Variants in CDC42SE2 observed in about 807,000 individuals in gnomAD.
CDC42SE2 encodes the protein CDC42 small effector protein 2.
CDC42SE2 carries 3 observed loss-of-function variants against 11.5 expected under a neutral mutation model. The ratio of observed to expected loss-of-function variants is 0.26; its 90% CI spans 0.12 to 0.67. CDC42SE2 has a LOEUF of 0.67. CDC42SE2 is among the 30% of genes least tolerant of loss of function. The pLI, the probability that CDC42SE2 is intolerant of heterozygous loss-of-function variation, is 0.80. For missense variants in CDC42SE2, 82 were observed against 106.8 expected (o/e 0.77, Z 1.02); for synonymous variants, 33 against 34.8 (o/e 0.95, Z 0.18).
the CDC42SE2 span, among the ~76,000 whole-genome samples, chr5:131,220,096 A>G: frequency 1.3e-4 from 20 of 152,194 alleles, no homozygotes; most frequent in Admixed American, 1.2e-3. Context: ...CTGAATTTTT[A>G]TACATGTAGG....
rs1050998151 is a variant in CDC42SE2, at chr5:131,354,237, C to CA, written c.-285-4964dup. ...TGGGCAGCAAAGCAAGACCCTGTCTCAAAAAAAATAAAATAAAATAAAATT... is the reference window on the plus strand; with the variant it reads ...TGGGCAGCAAAGCAAGACCCTGTCTCAAAAAAAAATAAAATAAAATAAAATT... On this transcript the variant is annotated intron_variant, in intron 2 of 4. Coordinates refer to ENST00000505065, the MANE Select transcript of CDC42SE2 (RefSeq NM_001375635.1). Among the ~76,000 whole-genome samples, 6 of 151,102 alleles carry CA rather than the reference C, an allele frequency of 4.0e-5. No individual in the cohort carries two copies. In the East Asian group the frequency reaches 5.8e-4, roughly 15 times the overall value.
intron 3 of CDC42SE2, among the ~76,000 whole-genome samples, chr5:131,361,136 G>T (rs1749696640): frequency 6.9e-6 from 1 of 145,496 alleles, no homozygotes; most frequent in African/African-American, 2.5e-5. Context: ...TTTTTGAGAT[G>T]GAGTCTCATT....
chr5:131,320,489 C>T (rs1227744631), intron 2 of CDC42SE2, among the ~76,000 whole-genome samples: 1 of 151,614 alleles, frequency 6.6e-6, no homozygotes, highest in Non-Finnish European at 1.5e-5. Context: ...TGCCTGTAAT[C>T]CCAGCACTTT....
chr5:131,304,474 A>G (rs749804783), intron 1 of CDC42SE2, among the ~76,000 whole-genome samples: 3 of 152,212 alleles, frequency 2.0e-5, no homozygotes, highest in Non-Finnish European at 4.4e-5. Flanking sequence ...TAAGCAGAAT[A>G]TGAAGTCCAT....
At chr5:131,247,828 C>T (rs1321590408) in intron 1 of CDC42SE2, among the ~76,000 whole-genome samples, 2 of 151,970 alleles carry the variant, frequency 1.3e-5, no homozygotes, top group Non-Finnish European at 1.5e-5. Flanking sequence ...TTTGTAGAGA[C>T]AGGTCCTTTC....
At position 131,303,387 on chromosome 5, in the gene CDC42SE2, G is replaced by T. The variant is rs188995291; in HGVS notation, c.-454-12589G>T. Among the ~76,000 whole-genome samples the T allele has an allele frequency of 8.7e-4, 132 of 152,276 alleles. 1 individual carries two copies. Among genetic ancestry groups the T allele is most frequent in the Admixed American group, 6.3e-3 (97 of 15,302 alleles). Reference sequence around the variant, plus strand: ...CATTCAATGTCAGAGTGATTTAATAGGGTCAAGGCCTGATAATTTAAGCTA... The same window carrying T: ...CATTCAATGTCAGAGTGATTTAATATGGTCAAGGCCTGATAATTTAAGCTA... On this transcript the variant is annotated intron_variant, in intron 1 of 4. Coordinates refer to ENST00000505065, the MANE Select transcript of CDC42SE2 (RefSeq NM_001375635.1).
At chr5:131,239,096 G>T in the CDC42SE2 span, among the ~76,000 whole-genome samples, 1 of 151,768 alleles carries the variant, frequency 6.6e-6, no homozygotes, top group East Asian at 1.9e-4. Context: ...ACAGACGGAG[G>T]TTGAAGTGAG....
intron 2 of CDC42SE2, among the ~76,000 whole-genome samples, chr5:131,344,887 G>A (rs534760853): frequency 2.7e-4 from 41 of 151,468 alleles, no homozygotes; most frequent in Non-Finnish European, 4.0e-4. Flanking sequence ...CCAGGCAAAC[G>A]ATCTGGAGTG....
chr5:131,268,850 A>C (rs1756930500), intron 1 of CDC42SE2, among the ~76,000 whole-genome samples: 1 of 144,032 alleles, frequency 6.9e-6, no homozygotes, highest in Non-Finnish European at 1.5e-5. Context: ...TCCTGAGTTC[A>C]AGCAACTGTC....
intron 1 of CDC42SE2, among the ~76,000 whole-genome samples, chr5:131,295,286 A>G (rs1044900380): frequency 2.0e-5 from 3 of 152,110 alleles, no homozygotes; most frequent in Non-Finnish European, 4.4e-5. Context: ...TTGAAAAAAA[A>G]AAAACCAAAC....
chr5:131,292,906 C>CAAAAAAAA (rs869300653), intron 1 of CDC42SE2, among the ~76,000 whole-genome samples: 14 of 58,894 alleles, frequency 2.4e-4, no homozygotes, highest in African/African-American at 3.0e-4. Flanking sequence ...GACCCTGTCT[C>CAAAAAAAA]AAAAAAAAAA....
chr5:131,369,268 A>G (rs1561432137), intron 3 of CDC42SE2, among the ~76,000 whole-genome samples: 1 of 152,084 alleles, frequency 6.6e-6, no homozygotes. Context: ...GCTAATTTTT[A>G]TGTTCATTTT....
At chr5:131,314,233 CTTTT>C (rs1186826623) in intron 1 of CDC42SE2, among the ~76,000 whole-genome samples, 1 of 137,116 alleles carries the variant, frequency 7.3e-6, no homozygotes. Flanking sequence ...AATGATTGTC[CTTTT>C]TTTTTTTTTT....
chr5:131,217,458 T>G, the CDC42SE2 span, among the ~76,000 whole-genome samples: 3 of 152,250 alleles, frequency 2.0e-5, no homozygotes, highest in Non-Finnish European at 4.4e-5. Context: ...GCCTCTCATA[T>G]AGGCTTGTCT....
intron 3 of CDC42SE2, among the ~76,000 whole-genome samples, chr5:131,379,575 C>G (rs1315746151): frequency 6.6e-6 from 1 of 152,032 alleles, no homozygotes; most frequent in African/African-American, 2.4e-5. Flanking sequence ...TGGATATACT[C>G]CAAATTGTTT....
the CDC42SE2 span, among the ~76,000 whole-genome samples, chr5:131,231,931 A>G: frequency 6.6e-6 from 1 of 151,960 alleles, no homozygotes; most frequent in Admixed American, 6.6e-5. Context: ...AGCTGGGATT[A>G]CAGGTGCGCA....
intron 2 of CDC42SE2, among the ~76,000 whole-genome samples, chr5:131,349,035 C>G (rs1758930395): frequency 6.6e-6 from 1 of 152,070 alleles, no homozygotes; most frequent in South Asian, 2.1e-4. Flanking sequence ...ACCATAAAAA[C>G]CCTAGAAGAA....
At chr5:131,313,610 G>A (rs1248591071) in intron 1 of CDC42SE2, among the ~76,000 whole-genome samples, 1 of 152,080 alleles carries the variant, frequency 6.6e-6, no homozygotes, top group Non-Finnish European at 1.5e-5. Context: ...GTACCCTTAT[G>A]GAAAATAAGT....
intron 1 of CDC42SE2, among the ~76,000 whole-genome samples, chr5:131,275,281 T>G (rs1049248719): frequency 6.6e-6 from 1 of 152,054 alleles, no homozygotes; most frequent in Non-Finnish European, 1.5e-5. Flanking sequence ...ACCCTTCAAT[T>G]TGGACTATAT....
Sources: allele counts gnomAD v4.1 joint callset (sites outside exome capture counted in the v4.1 genomes callset), GRCh38; gene constraint gnomAD v4.1.1; transcripts MANE v1.5; gene names NCBI Gene and HGNC (gene_info 2026-07-23, HGNC 2026-07-21).